The following TSHZ3 variants were observed in gnomAD, a reference collection of about 807,000 sequenced individuals.
The protein encoded by TSHZ3 is teashirt homolog 3.
A neutral mutation model predicts 64.5 loss-of-function variants in TSHZ3; 10 were observed. That is an observed-to-expected ratio of 0.16 (90% CI 0.10 to 0.26). The LOEUF is 0.26. Ranked by LOEUF, TSHZ3 falls within the 10% of genes least tolerant of loss-of-function variation. The pLI is 1.00. For missense variants in TSHZ3, 1,242 were observed against 1,421.7 expected (o/e 0.87, Z 2.03); for synonymous variants, 608 against 593.1 (o/e 1.03, Z -0.36).
intron 1 of TSHZ3, among the ~76,000 whole-genome samples, chr19:31,331,613 C>T (rs977001188): frequency 6.6e-5 from 10 of 152,094 alleles, no homozygotes; most frequent in African/African-American, 1.4e-4. Flanking sequence ...ATGCCATGGA[C>T]GCACAGAGAG....
intron 1 of TSHZ3, 150 bp downstream of exon 1, chr19:31,349,030 G>A: frequency 1.0e-6 from 1 of 968,536 alleles, no homozygotes; most frequent in Non-Finnish European, 1.4e-6. Flanking sequence ...ACCCGAGGCG[G>A]GCGCACGCAC....
intron 1 of TSHZ3, among the ~76,000 whole-genome samples, chr19:31,320,955 G>A (rs1398995164): frequency 6.6e-6 from 1 of 152,222 alleles, no homozygotes; most frequent in African/African-American, 2.4e-5. Flanking sequence ...GTTAGCAGGT[G>A]TCAGGACAGG....
At chr19:31,261,009 G>A (rs1262159583) in intron 1 of TSHZ3, among the ~76,000 whole-genome samples, 1 of 152,302 alleles carries the variant, frequency 6.6e-6, no homozygotes, top group East Asian at 1.9e-4. Flanking sequence ...TGGTGGCCAG[G>A]GAAGGATGCC....
At chr19:31,224,316 ATTTGTGC>A (rs1266538766) in intron 4 of TSHZ3, among the ~76,000 whole-genome samples, 1 of 152,140 alleles carries the variant, frequency 6.6e-6, no homozygotes, top group Non-Finnish European at 1.5e-5. Context: ...ACCATGGTTA[ATTTGTGC>A]TTTGTGCTTT....
intron 5 of TSHZ3, among the ~76,000 whole-genome samples, chr19:31,179,393 T>G (rs1490590076): frequency 6.6e-6 from 1 of 152,226 alleles, no homozygotes; most frequent in Non-Finnish European, 1.5e-5. Flanking sequence ...TATCCATCTC[T>G]TGTAGTGCTC....
chr19:31,245,781 A>G lies in TSHZ3; in HGVS notation n.64-2906T>C, dbSNP rs555373578. 9.2e-5 allele frequency among the ~76,000 whole-genome samples: 14 copies of G among 152,310 alleles called. No homozygotes were observed. In the East Asian group the frequency reaches 2.7e-3, roughly 29 times the overall value. ...CTCTGACGGAGTGGTAGGGGCTGTT[A>G]CAACCCATCCTGTGGTGCCCAAGAA... On this transcript the variant is annotated intron_variant and non_coding_transcript_variant, in intron 1 of 6. Transcript: ENST00000651361.
chr19:31,284,637 C>T (rs555080110), intron 1 of TSHZ3, among the ~76,000 whole-genome samples: 4 of 152,192 alleles, frequency 2.6e-5, no homozygotes, highest in African/African-American at 7.2e-5. Context: ...GTGGAGAATG[C>T]GGGAACCCAC....
At position 31,277,335 on chromosome 19, in the gene TSHZ3, A is replaced by G; in HGVS notation, c.2458T>C (p.Ser820Pro). 6.2e-7 allele frequency: 1 copy of G among 1,613,824 alleles called. No homozygotes were observed. The highest frequency in any genetic ancestry group is 1.3e-5 in the African/African-American group (1 of 75,034). ...PTSTAPATSS[S>P]TVTTAKTSAV... Reference sequence around the variant, plus strand: ...GATGTCTTTGCCGTTGTCACCGTGGATGAGGAGGTTGCCGGGGCTGTGGAC... The same window carrying G: ...GATGTCTTTGCCGTTGTCACCGTGGGTGAGGAGGTTGCCGGGGCTGTGGAC... Residue 820 changes from serine (S) to proline (P), a missense_variant, in exon 2 of 2, where the codon TCC becomes CCC. Coordinates refer to ENST00000240587, the MANE Select transcript of TSHZ3 (RefSeq NM_020856.4). This position sits in a 1 kb window ranked among gnomAD's most constrained non-coding sequence, Gnocchi z 4.5.
intron 5 of TSHZ3, among the ~76,000 whole-genome samples, chr19:31,199,281 G>A (rs1021419429): frequency 5.9e-5 from 9 of 151,440 alleles, no homozygotes; most frequent in Non-Finnish European, 7.4e-5. Context: ...GCGGGCGCCT[G>A]TAGTCCCAGC....
At position 31,277,774 on chromosome 19, in the gene TSHZ3, G is replaced by C; in HGVS notation, c.2019C>G (p.Pro673=). The change falls in exon 2 of 2, where the codon CCC becomes CCG. Residue 673 remains proline, a synonymous_variant. Transcript: ENST00000240587. This position sits in a 1 kb window ranked among gnomAD's most constrained non-coding sequence, Gnocchi z 4.5. ...GFRSQENSPS[P]PRDGCKDGSP... ...TCCCATCCTTGCACCCATCCCGCGG[G>C]GGGCTGGGGCTGTTCTCCTGGCTGC... The C allele has an allele frequency of 1.3e-6, 2 of 1,529,444 alleles. No homozygotes were observed. Among genetic ancestry groups the C allele is most frequent in the South Asian group, 1.3e-5 (1 of 75,862 alleles). The allele number at this position is 1,529,444 out of a possible 1,614,324, so 94.7% of individuals were successfully genotyped here. A position where few individuals can be genotyped will look rare whatever the true frequency, so the allele number is the denominator to read the frequency against.
chr19:31,332,044 T>C (rs1917111298), intron 1 of TSHZ3, among the ~76,000 whole-genome samples: 2 of 152,156 alleles, frequency 1.3e-5, no homozygotes, highest in Admixed American at 6.5e-5. Flanking sequence ...CTCCAAAAAA[T>C]GCATGTTTCC....
intron 5 of TSHZ3, among the ~76,000 whole-genome samples, chr19:31,169,580 C>A (rs752421557): frequency 6.6e-6 from 1 of 151,972 alleles, no homozygotes; most frequent in South Asian, 2.1e-4. Flanking sequence ...CACTTAATAC[C>A]ACTGAGTTGT....
At chr19:31,307,145 A>T (rs185939807) in intron 1 of TSHZ3, among the ~76,000 whole-genome samples, 3 of 152,342 alleles carry the variant, frequency 2.0e-5, no homozygotes, top group Admixed American at 1.3e-4. Flanking sequence ...TGAGGAAAAA[A>T]AAATGCATCT....
chr19:31,179,014 C>CTGATGATGA (rs760717001), intron 5 of TSHZ3, among the ~76,000 whole-genome samples: 4,666 of 112,128 alleles, frequency 0.042, 245 homozygotes, highest in African/African-American at 0.15. Flanking sequence ...GCAGAAGGCA[C>CTGATGATGA]TGATGATGAT....
intron 5 of TSHZ3, among the ~76,000 whole-genome samples, chr19:31,157,284 C>T (rs1309957401): frequency 6.6e-6 from 1 of 152,134 alleles, no homozygotes; most frequent in South Asian, 2.1e-4. Flanking sequence ...GACTAAGTAG[C>T]AGCTAAAATG....
intron 1 of TSHZ3, among the ~76,000 whole-genome samples, chr19:31,280,720 T>C (rs1365129561): frequency 6.6e-6 from 1 of 152,224 alleles, no homozygotes; most frequent in Admixed American, 6.5e-5. Flanking sequence ...CTGGAAGCGA[T>C]GTAACTGGGA....
chr19:31,211,475 A>T (rs1037106812), intron 4 of TSHZ3, among the ~76,000 whole-genome samples: 1 of 152,110 alleles, frequency 6.6e-6, no homozygotes, highest in Non-Finnish European at 1.5e-5. Context: ...TGGATGCATG[A>T]CTGTGGGCTC....
intron 5 of TSHZ3, among the ~76,000 whole-genome samples, chr19:31,184,857 C>T (rs191949941): frequency 4.9e-4 from 75 of 152,262 alleles, no homozygotes; most frequent in African/African-American, 1.8e-3. Context: ...GTGAAAATGA[C>T]ATTAGCAAAA....
At chr19:31,293,692 T>C (rs2145133014) in intron 1 of TSHZ3, among the ~76,000 whole-genome samples, 1 of 152,364 alleles carries the variant, frequency 6.6e-6, no homozygotes, top group East Asian at 1.9e-4. Context: ...AGCATCATTG[T>C]ATATCTCTTC....
Sources: gnomAD v4.1 joint callset for allele counts (sites outside exome capture counted in the v4.1 genomes callset) on GRCh38, gnomAD v4.1.1 for gene constraint, Gnocchi (gnomAD v3.1) non-coding constraint, MANE v1.5 for transcripts, NCBI Gene and HGNC (gene_info 2026-07-23, HGNC 2026-07-21) for gene names.